Variants in LPP observed in about 807,000 individuals in gnomAD.
LPP encodes the protein lipoma-preferred partner.
In LPP, 38 loss-of-function variants were observed where a neutral mutation model predicts 60.4. The observed-to-expected ratio is 0.63, with a 90% CI of 0.49 to 0.83. LPP has a LOEUF of 0.83. Among genes scored for constraint, LPP ranks in the 40% least tolerant of loss-of-function variants. LPP has a pLI of 0.00. For synonymous variants in LPP, 328 were observed against 290.8 expected, an observed-to-expected ratio of 1.13 and a Z score of -1.30; for missense variants, 902 against 783.6, an observed-to-expected ratio of 1.15 and a Z score of -1.80.
At chr3:188,591,509 G>C (rs555906601) in intron 6 of LPP, among the ~76,000 whole-genome samples, 1 of 152,102 alleles carries the variant, frequency 6.6e-6, no homozygotes, top group Non-Finnish European at 1.5e-5. Flanking sequence ...AGATATGCTG[G>C]AACAACATTT....
Position 188,844,275 on chromosome 3 carries a change from C to T in LPP, c.1411-21925C>T, listed in dbSNP as rs1299282132. Among the ~76,000 whole-genome samples, 4 of 152,248 alleles carry T rather than the reference C, an allele frequency of 2.6e-5. No homozygotes were observed. In the East Asian group the frequency reaches 7.7e-4, roughly 29 times the overall value. On this transcript the variant is annotated intron_variant, in intron 9 of 11. Coordinates refer to ENST00000617246, the MANE Select transcript of LPP (RefSeq NM_001375462.1). Reference sequence around the variant, plus strand: ...AGAGATAGTGAAAGTGCTGGCCTGCCTGTATTTCAGCCAGTCCTGGGTTAA... The same window carrying T: ...AGAGATAGTGAAAGTGCTGGCCTGCTTGTATTTCAGCCAGTCCTGGGTTAA...
Position 188,843,539 on chromosome 3 carries a change from G to A in LPP, c.1411-22661G>A, listed in dbSNP as rs868728930. ...GCGGTGGCTCACGCCTGTAATCCCA[G>A]CACTTCGGGAGGCCGAGGCGGGCGG... On this transcript the variant is annotated intron_variant, in intron 9 of 11. Transcript: ENST00000617246. Among the ~76,000 whole-genome samples the A allele has an allele frequency of 7.2e-5, 11 of 152,074 alleles. No individual in the cohort carries two copies. In the South Asian group the frequency reaches 2.3e-3, roughly 32 times the overall value.
chr3:188,786,936 T>G (rs1029247971), intron 9 of LPP, among the ~76,000 whole-genome samples: 1 of 152,110 alleles, frequency 6.6e-6, no homozygotes, highest in Non-Finnish European at 1.5e-5. Context: ...AGACAAGAAG[T>G]CAGGGATTAG....
At chr3:188,315,592 A>G (rs1754797198) in intron 2 of LPP, among the ~76,000 whole-genome samples, 1 of 152,150 alleles carries the variant, frequency 6.6e-6, no homozygotes, top group Admixed American at 6.5e-5. Flanking sequence ...TTTTTTAGTT[A>G]TTTGACTATG....
chr3:188,724,659 C>T (rs868083525), intron 8 of LPP, among the ~76,000 whole-genome samples: 49 of 152,300 alleles, frequency 3.2e-4, no homozygotes, highest in Non-Finnish European at 5.9e-4. Context: ...CTTTATTCCT[C>T]CATTCCTTCT....
At chr3:188,290,721 A>T (rs776577719) in intron 2 of LPP, among the ~76,000 whole-genome samples, 1 of 152,240 alleles carries the variant, frequency 6.6e-6, no homozygotes, top group Admixed American at 6.5e-5. Flanking sequence ...CTGAACGAGT[A>T]AACTTCAGAT....
At chr3:188,239,614 C>A (rs951474810) in intron 2 of LPP, among the ~76,000 whole-genome samples, 5 of 152,106 alleles carry the variant, frequency 3.3e-5, no homozygotes, top group African/African-American at 1.2e-4. Flanking sequence ...GTGGTTTCTA[C>A]CTTTGACATT....
intron 9 of LPP, among the ~76,000 whole-genome samples, chr3:188,860,164 A>G (rs759740993): frequency 6.6e-6 from 1 of 152,032 alleles, no homozygotes; most frequent in Non-Finnish European, 1.5e-5. Flanking sequence ...AGGTAAAATG[A>G]TATCTTCACT....
intron 8 of LPP, among the ~76,000 whole-genome samples, chr3:188,719,652 C>T (rs898211155): frequency 6.6e-6 from 1 of 152,122 alleles, no homozygotes; most frequent in Admixed American, 6.6e-5. Context: ...GGTACCTGAA[C>T]CTGCAAGTGC....
intron 9 of LPP, among the ~76,000 whole-genome samples, chr3:188,803,567 T>C (rs62292681): frequency 0.12 from 18,554 of 152,246 alleles, 1,618 homozygotes; most frequent in Non-Finnish European, 0.19. Context: ...TTGTTGTAAT[T>C]TAATTAATCT....
Position 188,689,689 on chromosome 3 carries a change from G to T in LPP, c.1114-18578G>T, listed in dbSNP as rs372132172. ...CACAGTTCCTAATAGTCTCTCTGAG[G>T]TCCATATGGTAAGAATTAGTACCCT... On this transcript the variant is annotated intron_variant, in intron 7 of 11. Coordinates refer to ENST00000617246, the MANE Select transcript of LPP (RefSeq NM_001375462.1). Among the ~76,000 whole-genome samples, 15 of 152,270 alleles carry T rather than the reference G, an allele frequency of 9.9e-5. 1 individual carries two copies. Among genetic ancestry groups the T allele is most frequent in the East Asian group, 3.9e-4 (2 of 5,182 alleles).
At chr3:188,582,741 T>C (rs1202603233) in intron 6 of LPP, among the ~76,000 whole-genome samples, 1 of 152,214 alleles carries the variant, frequency 6.6e-6, no homozygotes, top group East Asian at 1.9e-4. Flanking sequence ...TCCACTTCTC[T>C]CAGGAATTTT....
intron 6 of LPP, among the ~76,000 whole-genome samples, chr3:188,579,869 G>A (rs934446653): frequency 6.6e-6 from 1 of 151,018 alleles, no homozygotes; most frequent in African/African-American, 2.4e-5. Flanking sequence ...ACTCTCATTG[G>A]GGGTTGGGGG....
chr3:188,485,461 A>AG (rs755559090), intron 5 of LPP, among the ~76,000 whole-genome samples: 4 of 152,208 alleles, frequency 2.6e-5, no homozygotes, highest in Non-Finnish European at 5.9e-5. Flanking sequence ...GAAAAAAATG[A>AG]GTCTTCTTTG....
intron 6 of LPP, among the ~76,000 whole-genome samples, chr3:188,534,694 T>C (rs1823103384): frequency 6.6e-6 from 1 of 152,230 alleles, no homozygotes; most frequent in Non-Finnish European, 1.5e-5. Flanking sequence ...GTGTCTCAGA[T>C]AATTTGTAGT....
chr3:188,855,808 C>T (rs1235580219), intron 9 of LPP, among the ~76,000 whole-genome samples: 1 of 152,110 alleles, frequency 6.6e-6, no homozygotes, highest in Non-Finnish European at 1.5e-5. Context: ...AATTTAGGCC[C>T]AGGGAGGAAA....
At chr3:188,275,910 G>A (rs973056315) in intron 2 of LPP, among the ~76,000 whole-genome samples, 16 of 152,172 alleles carry the variant, frequency 1.1e-4, no homozygotes, top group Admixed American at 7.2e-4. Flanking sequence ...TCCTGACCCC[G>A]TGATCCTCCT....
At chr3:188,216,401 G>A (rs2077660852) in intron 1 of LPP, among the ~76,000 whole-genome samples, 1 of 151,640 alleles carries the variant, frequency 6.6e-6, no homozygotes, top group African/African-American at 2.4e-5. Context: ...CTCCCGAGTA[G>A]CTAGGACTAC....
At chr3:188,567,773 G>A (rs1249616060) in intron 6 of LPP, among the ~76,000 whole-genome samples, 1 of 151,874 alleles carries the variant, frequency 6.6e-6, no homozygotes, top group African/African-American at 2.4e-5. Context: ...CAAACCAAGA[G>A]TTTATTCCTC....
Sources: gnomAD v4.1 joint callset for allele counts (sites outside exome capture counted in the v4.1 genomes callset) on GRCh38, gnomAD v4.1.1 for gene constraint, MANE v1.5 for transcripts, NCBI Gene and HGNC (gene_info 2026-07-23, HGNC 2026-07-21) for gene names.